The following TTLL5 variants were observed in gnomAD, a reference collection of about 807,000 sequenced individuals.
TTLL5 encodes the protein tubulin tyrosine ligase like 5, also known as tubulin polyglutamylase TTLL5.
A neutral mutation model predicts 168.4 loss-of-function variants in TTLL5; 132 were observed. The ratio of observed to expected loss-of-function variants is 0.78; its 90% confidence interval spans 0.68 to 0.91. TTLL5 has a LOEUF of 0.91. Among genes scored for constraint, TTLL5 ranks in the 40% least tolerant of loss-of-function variants. TTLL5 has a pLI of 0.00. For missense variants in TTLL5, 1,545 were observed against 1,581.5 expected (o/e 0.98, Z 0.39); for synonymous variants, 546 against 558.6 (o/e 0.98, Z 0.32).
intron 29 of TTLL5, among the ~76,000 whole-genome samples, chr14:75,866,031 G>A (rs956938503): frequency 6.6e-6 from 1 of 152,070 alleles, no homozygotes; most frequent in African/African-American, 2.4e-5. Context: ...GAAGTTTCTG[G>A]GACTGTAGGA....
chr14:75,672,523 A>T (rs926047261), intron 3 of TTLL5, among the ~76,000 whole-genome samples: 1 of 152,064 alleles, frequency 6.6e-6, no homozygotes, highest in Non-Finnish European at 1.5e-5. Flanking sequence ...GATTATAGGC[A>T]TGAGCCACCA....
chr14:75,899,902 T>G (rs1200227478), intron 30 of TTLL5, among the ~76,000 whole-genome samples: 2 of 151,558 alleles, frequency 1.3e-5, no homozygotes, highest in African/African-American at 4.9e-5. Context: ...ACTACCAGTT[T>G]CTACTACTGA....
intron 31 of TTLL5, among the ~76,000 whole-genome samples, chr14:75,909,626 A>G (rs896487692): frequency 7.2e-5 from 11 of 152,134 alleles, no homozygotes; most frequent in Admixed American, 6.5e-4. Context: ...CAACATGTAC[A>G]TTCTTAGAAC....
chr14:75,771,427 C>CA lies in TTLL5; in HGVS notation c.2016-297dup, dbSNP rs770570664. Among the ~76,000 whole-genome samples, 50 of 148,876 alleles carry CA rather than the reference C, an allele frequency of 3.4e-4. 1 individual carries two copies. Among genetic ancestry groups the CA allele is most frequent in the East Asian group, 2.9e-3 (15 of 5,130 alleles). ...TGGGTGACAGAATGAGACCTTGTCTCAAAAAAAAAATTTCAAAGAGAAGGA... is the reference window on the plus strand; with the variant it reads ...TGGGTGACAGAATGAGACCTTGTCTCAAAAAAAAAAATTTCAAAGAGAAGGA... On this transcript the variant is annotated intron_variant, in intron 20 of 31. Transcript: ENST00000298832.
chr14:75,859,658 TAGG>T lies in TTLL5; in HGVS notation c.3327-4006_3327-4004del, dbSNP rs549620372. Among the ~76,000 whole-genome samples the T allele has an allele frequency of 1.4e-3, 213 of 152,190 alleles. 1 individual carries two copies. Among genetic ancestry groups the T allele is most frequent in the African/African-American group, 4.9e-3 (203 of 41,540 alleles). On this transcript the variant is annotated intron_variant, in intron 28 of 31. Coordinates refer to ENST00000298832, the MANE Select transcript of TTLL5 (RefSeq NM_015072.5). Reference sequence around the variant, plus strand: ...AATGATTGAACCTCAAAATTTTTGGTAGGAGTAGAAAAAACATTATTAGAAAAA... The same window carrying T: ...AATGATTGAACCTCAAAATTTTTGGTAGTAGAAAAAACATTATTAGAAAAA...
chr14:75,943,272 T>C (rs553075589), intron 31 of TTLL5, among the ~76,000 whole-genome samples: 251 of 152,116 alleles, frequency 1.7e-3, no homozygotes, highest in Non-Finnish European at 2.9e-3. Flanking sequence ...TAAGGGACAA[T>C]AGGCAAATCT....
intron 30 of TTLL5, chr14:75,886,642 G>C (rs2032136733): frequency 6.3e-7 from 1 of 1,575,290 alleles, no homozygotes; most frequent in South Asian, 1.2e-5. Flanking sequence ...CCATTTTCCT[G>C]GTGCCAATAA....
chr14:75,929,058 T>C (rs1263433649), intron 31 of TTLL5, among the ~76,000 whole-genome samples: 2 of 121,378 alleles, frequency 1.6e-5, no homozygotes, highest in Non-Finnish European at 3.2e-5. Flanking sequence ...TCCAGAGAGA[T>C]CATCTTGTCA....
intron 31 of TTLL5, among the ~76,000 whole-genome samples, chr14:75,950,377 C>T (rs1016930134): frequency 4.6e-5 from 7 of 152,170 alleles, no homozygotes; most frequent in African/African-American, 1.4e-4. Context: ...AAATCCAATC[C>T]AGAAAGTGCA....
At chr14:75,855,799 C>G (rs548604536) in intron 28 of TTLL5, among the ~76,000 whole-genome samples, 1 of 152,326 alleles carries the variant, frequency 6.6e-6, no homozygotes, top group Admixed American at 6.5e-5. Context: ...GGTTAACCAT[C>G]TACTTAAAAC....
At chr14:75,811,177 G>GTGTGTGTA (rs1893991511) in intron 27 of TTLL5, among the ~76,000 whole-genome samples, 3 of 121,566 alleles carry the variant, frequency 2.5e-5, no homozygotes, top group African/African-American at 8.1e-5. Flanking sequence ...GTGTGTGTGT[G>GTGTGTGTA]TGTGTGTGTG....
chr14:75,862,643 A>G (rs1029416410), intron 28 of TTLL5, among the ~76,000 whole-genome samples: 4 of 152,236 alleles, frequency 2.6e-5, no homozygotes, highest in Non-Finnish European at 5.9e-5. Context: ...CATGGTCACC[A>G]GAATCTAGAA....
chr14:75,913,051 A>G (rs2033454304), intron 31 of TTLL5, among the ~76,000 whole-genome samples: 1 of 152,204 alleles, frequency 6.6e-6, no homozygotes, highest in Non-Finnish European at 1.5e-5. Context: ...CTTGATAAGA[A>G]CTAGTTGTGC....
At chr14:75,939,683 C>G (rs912390517) in intron 31 of TTLL5, among the ~76,000 whole-genome samples, 1 of 152,172 alleles carries the variant, frequency 6.6e-6, no homozygotes, top group Non-Finnish European at 1.5e-5. Flanking sequence ...GCCACCATGC[C>G]CAGCTGGACC....
chr14:75,755,076 C>T (rs1180642370), intron 18 of TTLL5, among the ~76,000 whole-genome samples: 1 of 151,980 alleles, frequency 6.6e-6, no homozygotes, highest in Non-Finnish European at 1.5e-5. Flanking sequence ...ACCAGCCTGA[C>T]CCACATGGAG....
At chr14:75,770,008 A>G (rs978589696) in intron 20 of TTLL5, among the ~76,000 whole-genome samples, 21 of 151,900 alleles carry the variant, frequency 1.4e-4, no homozygotes, top group African/African-American at 4.8e-4. Flanking sequence ...GTGAAACTCT[A>G]TCTCTATTAA....
At chr14:75,778,768 A>G (rs985553698) in intron 23 of TTLL5, among the ~76,000 whole-genome samples, 7 of 152,240 alleles carry the variant, frequency 4.6e-5, no homozygotes, top group Non-Finnish European at 7.3e-5. Context: ...GATATGTTCA[A>G]TAGAAGAATC....
At chr14:75,837,591 ACT>A (rs1218063684) in intron 28 of TTLL5, among the ~76,000 whole-genome samples, 1 of 151,918 alleles carries the variant, frequency 6.6e-6, no homozygotes, top group Non-Finnish European at 1.5e-5. Context: ...TTAAGCAATA[ACT>A]CTACATTCTT....
chr14:75,902,165 T>A lies in TTLL5; in HGVS notation c.3764T>A (p.Leu1255Gln). The change falls in exon 31 of 32, where the codon CTG becomes CAG. Residue 1255 changes from leucine (L) to glutamine (Q), a missense_variant. Physicochemically the swap from Leu to Gln is moderately radical, Grantham distance 113 (BLOSUM62 -2). Transcript: ENST00000298832. The part of the protein sequence containing the change: ...ASKGSSAEGQ[L>Q]NGLQSSLNPA... ...AGAGGGTCCTCCGCGGAAGGGCAGC[T>A]GAATGGACTCCAGAGCAGCCTTAAC... 2 of 1,614,170 alleles carry A rather than the reference T, an allele frequency of 1.2e-6. No individual in the cohort carries two copies. The highest frequency in any genetic ancestry group is 1.7e-6 in the Non-Finnish European group (2 of 1,180,008).
Sources: allele counts gnomAD v4.1 joint callset (sites outside exome capture counted in the v4.1 genomes callset), GRCh38; gene constraint gnomAD v4.1.1; transcripts MANE v1.5; gene names NCBI Gene and HGNC (gene_info 2026-07-23, HGNC 2026-07-21).